RAD51B: variants seen among roughly 807,000 people sequenced by gnomAD.
The protein encoded by RAD51B is RAD51 paralog B, also known as DNA repair protein RAD51 homolog 2.
Under a neutral mutation model 42.2 loss-of-function variants are expected in RAD51B, and 38 were observed. The ratio of observed to expected loss-of-function variants is 0.90; its 90% CI spans 0.70 to 1.18. The LOEUF is 1.18. Ranked by LOEUF, RAD51B falls within the 50% of genes most tolerant of loss-of-function variation. The pLI, the probability that RAD51B is intolerant of heterozygous loss-of-function variation, is 0.00. For synonymous variants in RAD51B, 154 were observed against 145.2 expected (o/e 1.06, Z -0.43); for missense variants, 373 against 400.7 (o/e 0.93, Z 0.59).
At chr14:68,462,761 G>A (rs1372737708) in intron 9 of RAD51B, among the ~76,000 whole-genome samples, 1 of 152,182 alleles carries the variant, frequency 6.6e-6, no homozygotes, top group African/African-American at 2.4e-5. Context: ...TTAGAGTGCA[G>A]TTAAAGCCAA....
rs148365753 is a variant in RAD51B at position 68,499,841 on chromosome 14, C to T, written c.1036+31591C>T. Among the ~76,000 whole-genome samples the T allele has an allele frequency of 2.6e-3, 389 of 152,318 alleles. 2 individuals carry two copies. The highest frequency in any genetic ancestry group is 4.4e-3 in the Non-Finnish European group (298 of 68,022). The stretch of plus-strand genomic sequence containing the variant: ...TTCAGAGGGAGCCTGGCCCTGCAGA[C>T]ACCTTGATGTGGGGCTTCTGGCTGC... On this transcript the variant is annotated intron_variant, in intron 10 of 10. Transcript: ENST00000487270.
intron 10 of RAD51B, among the ~76,000 whole-genome samples, chr14:68,506,635 A>C (rs757871724): frequency 3.9e-5 from 6 of 152,136 alleles, no homozygotes; most frequent in Non-Finnish European, 8.8e-5. Flanking sequence ...AAAGTTCTGC[A>C]TGTGTCCGAG....
intron 7 of RAD51B, among the ~76,000 whole-genome samples, chr14:68,024,306 G>C (rs926365850): frequency 6.6e-6 from 1 of 152,068 alleles, no homozygotes; most frequent in Non-Finnish European, 1.5e-5. Context: ...GCTTGGTATT[G>C]CTTTGGCTAT....
chr14:68,268,368 C>A (rs1046698238), intron 7 of RAD51B, among the ~76,000 whole-genome samples: 1 of 152,192 alleles, frequency 6.6e-6, no homozygotes, highest in Non-Finnish European at 1.5e-5. Flanking sequence ...ACTCTCACTT[C>A]CTCCCATGTA....
At chr14:68,340,898 A>C (rs867563751) in intron 8 of RAD51B, among the ~76,000 whole-genome samples, 3 of 152,366 alleles carry the variant, frequency 2.0e-5, no homozygotes, top group Admixed American at 6.5e-5. Context: ...AGAGATCTCT[A>C]GATGTTTTCA....
chr14:67,835,330 G>T lies in RAD51B; in HGVS notation c.315+134G>T, dbSNP rs950499496. The T allele has an allele frequency of 5.1e-5, 35 of 692,832 alleles. No individual in the cohort carries two copies. The African/African-American group carries it at 5.9e-4, about 12-fold the overall frequency. The allele number at this position is 692,832 out of a possible 1,614,324, so 42.9% of individuals were successfully genotyped here. ...AAATTATAAGTACTTCAAGGATATGGTTCTCCACTCAGTACTTAGTGTGGT... is the reference window on the plus strand; with the variant it reads ...AAATTATAAGTACTTCAAGGATATGTTTCTCCACTCAGTACTTAGTGTGGT... On this transcript the variant is annotated intron_variant, in intron 4 of 10. Transcript: ENST00000471583.
intron 7 of RAD51B, among the ~76,000 whole-genome samples, chr14:68,175,119 C>G (rs1329949430): frequency 4.6e-5 from 7 of 152,148 alleles, no homozygotes; most frequent in Non-Finnish European, 7.3e-5. Context: ...TTTTATAATA[C>G]TGACGTACCA....
At chr14:67,874,747 G>A (rs2042671555) in intron 5 of RAD51B, among the ~76,000 whole-genome samples, 1 of 151,944 alleles carries the variant, frequency 6.6e-6, no homozygotes, top group African/African-American at 2.4e-5. Context: ...TATACCTTGA[G>A]AATGTAGATA....
intron 8 of RAD51B, among the ~76,000 whole-genome samples, chr14:68,405,252 G>A (rs527325013): frequency 1.3e-5 from 2 of 152,194 alleles, no homozygotes; most frequent in African/African-American, 4.8e-5. Context: ...TCCACCTTGG[G>A]CAACATAGTG....
At chr14:68,261,232 C>G (rs1237221807) in intron 7 of RAD51B, among the ~76,000 whole-genome samples, 1 of 152,206 alleles carries the variant, frequency 6.6e-6, no homozygotes, top group Non-Finnish European at 1.5e-5. Flanking sequence ...CTTTCTCTTT[C>G]AGAAATCTTC....
intron 7 of RAD51B, among the ~76,000 whole-genome samples, chr14:68,255,820 A>C (rs1262206180): frequency 2.0e-5 from 3 of 152,176 alleles, no homozygotes; most frequent in Non-Finnish European, 4.4e-5. Flanking sequence ...ATTTTTCTAC[A>C]CTAAAAACAT....
chr14:67,865,789 T>C (rs1366833571), intron 5 of RAD51B, among the ~76,000 whole-genome samples: 1 of 152,080 alleles, frequency 6.6e-6, no homozygotes, highest in African/African-American at 2.4e-5. Context: ...CCGCCTGCCT[T>C]GGCCTCCCAA....
chr14:68,166,257 C>T lies in RAD51B; in HGVS notation c.757-125627C>T, dbSNP rs1345925195. Among the ~76,000 whole-genome samples, 3 of 145,844 alleles carry T rather than the reference C, an allele frequency of 2.1e-5. 1 individual carries two copies. The highest frequency in any genetic ancestry group is 4.4e-4 in the South Asian group (2 of 4,540). On this transcript the variant is annotated intron_variant, in intron 7 of 10. Coordinates refer to ENST00000471583, the MANE Select transcript of RAD51B (RefSeq NM_133510.4). ...CAACCTGACAGGCATGTTGTGAAAA[C>T]TAATGAAAGTATAAAGTTCTCATAG...
At chr14:67,921,189 G>C (rs1047377312) in intron 7 of RAD51B, among the ~76,000 whole-genome samples, 12 of 152,144 alleles carry the variant, frequency 7.9e-5, no homozygotes, top group African/African-American at 2.7e-4. Flanking sequence ...GTCCTTAGAG[G>C]AGGGCTAGGA....
intron 10 of RAD51B, among the ~76,000 whole-genome samples, chr14:68,556,606 C>A (rs1018596002): frequency 2.6e-5 from 4 of 152,132 alleles, no homozygotes; most frequent in African/African-American, 9.7e-5. Flanking sequence ...AGCAAATGTC[C>A]CAGAAGGTTT....
chr14:67,974,598 G>A (rs543914190), intron 7 of RAD51B, among the ~76,000 whole-genome samples: 116 of 151,864 alleles, frequency 7.6e-4, no homozygotes, highest in African/African-American at 2.6e-3. Context: ...CTAAAGTTAG[G>A]GTATTAGATC....
At chr14:68,435,538 A>G (rs1339877182) in intron 9 of RAD51B, among the ~76,000 whole-genome samples, 1 of 129,770 alleles carries the variant, frequency 7.7e-6, no homozygotes, top group Non-Finnish European at 1.6e-5. Context: ...TCCTTTGGGT[A>G]TATACCCAGC....
chr14:68,150,178 A>G (rs1943290528), intron 7 of RAD51B, among the ~76,000 whole-genome samples: 1 of 152,220 alleles, frequency 6.6e-6, no homozygotes, highest in Non-Finnish European at 1.5e-5. Context: ...CTCCTGACTC[A>G]GGTGATCCAC....
intron 7 of RAD51B, among the ~76,000 whole-genome samples, chr14:67,956,652 G>A (rs914431528): frequency 6.6e-6 from 1 of 152,018 alleles, no homozygotes; most frequent in Non-Finnish European, 1.5e-5. Context: ...ACTTTAAAGG[G>A]CAATCAATAT....
Sources: allele counts gnomAD v4.1 joint callset (sites outside exome capture counted in the v4.1 genomes callset), GRCh38; gene constraint gnomAD v4.1.1; transcripts MANE v1.5; gene names NCBI Gene and HGNC (gene_info 2026-07-23, HGNC 2026-07-21).